Variants in MCTP2 observed in about 807,000 individuals in gnomAD.
The protein encoded by MCTP2 is multiple C2 and transmembrane domain-containing protein 2.
Under a neutral mutation model 111.6 loss-of-function variants are expected in MCTP2, and 132 were observed. That is an observed-to-expected ratio of 1.18 (90% CI 1.03 to 1.37). The LOEUF is 1.37. MCTP2 is among the 40% of genes most tolerant of loss of function. The probability of loss-of-function intolerance (pLI) is 0.00; values close to 1 mark genes in which losing one functional copy is unlikely to be tolerated. For missense variants in MCTP2, 1,183 were observed against 1,067.9 expected (o/e 1.11, Z -1.50); for synonymous variants, 395 against 387.7 (o/e 1.02, Z -0.22).
intron 17 of MCTP2, among the ~76,000 whole-genome samples, chr15:94,432,902 A>C (rs1320645722): frequency 6.6e-6 from 1 of 152,164 alleles, no homozygotes; most frequent in Non-Finnish European, 1.5e-5. Context: ...GAAGTTAACT[A>C]CTTTTTAGTA....
At chr15:94,291,708 T>C (rs2030623689) in intron 1 of MCTP2, among the ~76,000 whole-genome samples, 1 of 151,552 alleles carries the variant, frequency 6.6e-6, no homozygotes, top group Non-Finnish European at 1.5e-5. Flanking sequence ...AGGAAAAAAA[T>C]GAAAATGACA....
chr15:94,345,538 CAT>C (rs1336100634), intron 8 of MCTP2, among the ~76,000 whole-genome samples: 1 of 152,150 alleles, frequency 6.6e-6, no homozygotes, highest in African/African-American at 2.4e-5. Context: ...TTGAAAGAAA[CAT>C]GTGGTACACT....
chr15:94,390,847 A>G (rs1016953153), intron 14 of MCTP2, among the ~76,000 whole-genome samples: 2 of 148,276 alleles, frequency 1.3e-5, no homozygotes, highest in African/African-American at 5.0e-5. Flanking sequence ...CTCCTGCCTC[A>G]GTCTCCTGAA....
At chr15:94,334,420 C>T (rs1172910908) in intron 4 of MCTP2, among the ~76,000 whole-genome samples, 1 of 152,176 alleles carries the variant, frequency 6.6e-6, no homozygotes, top group East Asian at 1.9e-4. Context: ...ATCTTACCTT[C>T]CAAAGGAGCT....
intron 12 of MCTP2, among the ~76,000 whole-genome samples, chr15:94,379,486 C>A (rs968204028): frequency 5.3e-5 from 8 of 151,972 alleles, no homozygotes; most frequent in Admixed American, 4.6e-4. Flanking sequence ...TATTTAGTTT[C>A]AGGAATTGTG....
chr15:94,317,061 T>A (rs1226872421), intron 4 of MCTP2, among the ~76,000 whole-genome samples: 1 of 152,228 alleles, frequency 6.6e-6, no homozygotes, highest in Non-Finnish European at 1.5e-5. Flanking sequence ...ATTGTACTGT[T>A]CTGTTTACCA....
intron 17 of MCTP2, among the ~76,000 whole-genome samples, chr15:94,410,859 C>T (rs1352032007): frequency 2.6e-5 from 4 of 152,300 alleles, no homozygotes; most frequent in African/African-American, 9.6e-5. Flanking sequence ...AGCCTGTGGC[C>T]GCATCAGTAG....
At chr15:94,423,168 C>T (rs1236043035) in intron 17 of MCTP2, among the ~76,000 whole-genome samples, 3 of 152,162 alleles carry the variant, frequency 2.0e-5, no homozygotes, top group Admixed American at 1.3e-4. Flanking sequence ...ATTTTCTTCT[C>T]GATTATACCT....
intron 1 of MCTP2, among the ~76,000 whole-genome samples, chr15:94,238,118 G>C (rs916647197): frequency 6.6e-6 from 1 of 152,022 alleles, no homozygotes; most frequent in African/African-American, 2.4e-5. Context: ...ACCTCCTGAG[G>C]GCTGAGTCAC....
intron 1 of MCTP2, among the ~76,000 whole-genome samples, chr15:94,257,566 G>GTTGTTTTTTTT (rs2072871952): frequency 2.7e-5 from 2 of 73,006 alleles, no homozygotes; most frequent in Non-Finnish European, 5.3e-5. Context: ...CATTTTCTTT[G>GTTGTTTTTTTT]TTGTTTTTTT....
rs139953355 is a variant in MCTP2, at chr15:94,270,115, A to G, written c.-65-28086A>G. ...TGTATATGATGGTTTTTCTGGTCAC[A>G]CTGACAGGGACATTGCTGACACATA... On this transcript the variant is annotated intron_variant, in intron 1 of 22. Transcript: ENST00000357742. Among the ~76,000 whole-genome samples, 506 of 152,242 alleles carry G rather than the reference A, an allele frequency of 3.3e-3. 2 individuals are homozygous for G. The highest frequency in any genetic ancestry group is 4.2e-3 in the Non-Finnish European group (285 of 68,010).
intron 17 of MCTP2, among the ~76,000 whole-genome samples, chr15:94,423,899 A>G (rs1224078600): frequency 6.6e-6 from 1 of 152,252 alleles, no homozygotes; most frequent in Non-Finnish European, 1.5e-5. Context: ...TTAAAGAATG[A>G]TGATAAGGTG....
chr15:94,384,117 T>G lies in MCTP2; in HGVS notation c.1678T>G (p.Phe560Val). The G allele has an allele frequency of 1.2e-6, 2 of 1,610,910 alleles. No homozygotes were observed. Among genetic ancestry groups the G allele is most frequent in the Non-Finnish European group, 1.7e-6 (2 of 1,177,446 alleles). The change falls in exon 13 of 23, where the codon TTT (phenylalanine) becomes GTT (valine). Residue 560 changes from phenylalanine (F) to valine (V), a missense_variant. By Grantham distance (50) the Phe-to-Val change is conservative (BLOSUM62 -1). Coordinates refer to ENST00000357742, the MANE Select transcript of MCTP2 (RefSeq NM_001385001.1). ...CCTCAACCCTGAATGGAACAAAGTT[T>G]TTACATTGTAAGTGCTTTAGCCTCT... is the stretch of plus-strand genomic sequence containing the variant. ...KNLNPEWNKV[F>V]TFPIKDIHDV...
At chr15:94,386,660 C>T (rs1473507961) in intron 14 of MCTP2, among the ~76,000 whole-genome samples, 1 of 151,924 alleles carries the variant, frequency 6.6e-6, no homozygotes, top group African/African-American at 2.4e-5. Flanking sequence ...TTCATTACAA[C>T]TTTGTCAGTT....
chr15:94,385,051 TA>T (rs1334097988), intron 13 of MCTP2, among the ~76,000 whole-genome samples: 2 of 152,240 alleles, frequency 1.3e-5, no homozygotes, highest in African/African-American at 4.8e-5. Flanking sequence ...TTCTTAATTT[TA>T]AAAAATGTTA....
chr15:94,467,604 CTAAT>C (rs1162048982), intron 20 of MCTP2, among the ~76,000 whole-genome samples: 4 of 151,544 alleles, frequency 2.6e-5, no homozygotes, highest in South Asian at 2.1e-4. Flanking sequence ...GAGTATAAAT[CTAAT>C]TAATTTTTTC....
At chr15:94,341,489 C>T (rs922434642) in intron 7 of MCTP2, 1 of 152,110 alleles carries the variant, frequency 6.6e-6, no homozygotes, top group Admixed American at 6.5e-5. Context: ...ATTTTTAAAG[C>T]CAATTGAAGT....
At chr15:94,357,801 T>G (rs1596464337) in intron 9 of MCTP2, among the ~76,000 whole-genome samples, 1 of 152,108 alleles carries the variant, frequency 6.6e-6, no homozygotes, top group Non-Finnish European at 1.5e-5. Context: ...AATCTCTATA[T>G]AAAGGAAACA....
chr15:94,423,484 G>A (rs1301881273), intron 17 of MCTP2, among the ~76,000 whole-genome samples: 1 of 152,150 alleles, frequency 6.6e-6, no homozygotes, highest in African/African-American at 2.4e-5. Flanking sequence ...GAACAGTTAA[G>A]AGCATTTGAC....
Sources: gnomAD v4.1 joint callset for allele counts (sites outside exome capture counted in the v4.1 genomes callset) on GRCh38, gnomAD v4.1.1 for gene constraint, MANE v1.5 for transcripts, NCBI Gene and HGNC (gene_info 2026-07-23, HGNC 2026-07-21) for gene names.